Variants in ZNF365 observed in about 807,000 individuals in gnomAD.
ZNF365 encodes zinc finger protein 365, also known as protein ZNF365.
In ZNF365, 22 loss-of-function variants were observed where a neutral mutation model predicts 35.0. The ratio of observed to expected loss-of-function variants is 0.63; its 90% CI spans 0.45 to 0.90. The LOEUF (loss-of-function observed/expected upper bound fraction) is 0.90, where lower values mean the gene tolerates loss of function less well. ZNF365 is among the 40% of genes least tolerant of loss of function. The pLI, the probability that ZNF365 is intolerant of heterozygous loss-of-function variation, is 0.00. For synonymous variants in ZNF365, 188 were observed against 196.2 expected, an observed-to-expected ratio of 0.96 and a Z score of 0.35; for missense variants, 448 against 500.3, an observed-to-expected ratio of 0.90 and a Z score of 1.00.
intron 4 of ZNF365, among the ~76,000 whole-genome samples, chr10:62,463,531 T>C (rs1328808529): frequency 1.3e-5 from 2 of 152,242 alleles, no homozygotes; most frequent in Admixed American, 6.5e-5. Flanking sequence ...CTTTGGTACA[T>C]GACAGGATGC....
At chr10:62,378,027 A>C (rs1217167401) in intron 2 of ZNF365, among the ~76,000 whole-genome samples, 1 of 152,224 alleles carries the variant, frequency 6.6e-6, no homozygotes, top group Admixed American at 6.5e-5. Flanking sequence ...TTCTACCTTG[A>C]GGGGAAGCCT....
chr10:62,405,199 C>T (rs1839887526), downstream of ZNF365, among the ~76,000 whole-genome samples: 1 of 152,170 alleles, frequency 6.6e-6, no homozygotes, highest in Non-Finnish European at 1.5e-5. Context: ...CAGTTCTTTC[C>T]AGCACTGGAA....
intron 3 of ZNF365, among the ~76,000 whole-genome samples, chr10:62,450,691 C>T (rs916603789): frequency 6.6e-6 from 1 of 152,166 alleles, no homozygotes; most frequent in Non-Finnish European, 1.5e-5. Flanking sequence ...AAACAAACAA[C>T]TGAATAACAA....
At chr10:62,472,124 A>T (rs1229303985) in intron 4 of ZNF365, among the ~76,000 whole-genome samples, 1 of 152,176 alleles carries the variant, frequency 6.6e-6, no homozygotes, top group Non-Finnish European at 1.5e-5. Context: ...CCTGTCATAG[A>T]TTACATTTAC....
At chr10:62,448,632 T>C (rs978121276) in intron 3 of ZNF365, among the ~76,000 whole-genome samples, 3 of 152,186 alleles carry the variant, frequency 2.0e-5, no homozygotes, top group Non-Finnish European at 2.9e-5. Flanking sequence ...CTATTGCAGA[T>C]ATGGTGTCTA....
chr10:62,440,522 A>G (rs1022442172), intron 3 of ZNF365, among the ~76,000 whole-genome samples: 1 of 152,192 alleles, frequency 6.6e-6, no homozygotes, highest in Non-Finnish European at 1.5e-5. Flanking sequence ...CCTTGTACAG[A>G]GTTTACAGAC....
chr10:62,435,538 G>A (rs1262631588), intron 3 of ZNF365, among the ~76,000 whole-genome samples: 1 of 152,104 alleles, frequency 6.6e-6, no homozygotes, highest in African/African-American at 2.4e-5. Context: ...GAGATTAAAG[G>A]ATAACACTCG....
At chr10:62,424,597 T>C (rs1840223708) in intron 3 of ZNF365, among the ~76,000 whole-genome samples, 1 of 152,204 alleles carries the variant, frequency 6.6e-6, no homozygotes, top group South Asian at 2.1e-4. Context: ...GCATGCTGTC[T>C]TCACTGATTT....
Position 62,443,316 on chromosome 10 carries a change from G to A in ZNF365, c.925-16425G>A, listed in dbSNP as rs571747960. 5.3e-5 allele frequency among the ~76,000 whole-genome samples: 8 copies of A among 152,296 alleles called. No individual in the cohort carries two copies. The South Asian group carries it at 1.7e-3, about 32-fold the overall frequency. ...TATTCCATTCCTTCAGAAAACTGGA[G>A]ACAAACAGAGACCCTCAATGTCTGT... is the stretch of plus-strand genomic sequence containing the variant. On this transcript the variant is annotated intron_variant, in intron 3 of 4. Coordinates refer to the ZNF365 transcript ENST00000395255.
At chr10:62,383,242 A>G (rs750326093) in intron 2 of ZNF365, among the ~76,000 whole-genome samples, 5 of 152,200 alleles carry the variant, frequency 3.3e-5, no homozygotes, top group Admixed American at 1.3e-4. Context: ...GGAGCACACA[A>G]GGTCCCTGAA....
At chr10:62,470,038 C>G (rs922279572) in intron 4 of ZNF365, among the ~76,000 whole-genome samples, 3 of 152,016 alleles carry the variant, frequency 2.0e-5, no homozygotes, top group African/African-American at 7.3e-5. Context: ...TATGATAGTT[C>G]CAATTTCTAG....
intron 3 of ZNF365, chr10:62,459,697 C>T (rs781036202): frequency 1.9e-6 from 3 of 1,579,326 alleles, no homozygotes; most frequent in East Asian, 4.6e-5. Context: ...TCAGTCTACA[C>T]ACTAGCTCCA....
chr10:62,379,186 C>A (rs1454746462), intron 2 of ZNF365, among the ~76,000 whole-genome samples: 3 of 152,006 alleles, frequency 2.0e-5, no homozygotes, highest in Non-Finnish European at 4.4e-5. Flanking sequence ...CTGCACCCAG[C>A]TATTTTTTTG....
chr10:62,390,711 C>T (rs1287333120), intron 3 of ZNF365, among the ~76,000 whole-genome samples: 1 of 152,120 alleles, frequency 6.6e-6, no homozygotes. Flanking sequence ...TTTACACAAA[C>T]CTACATGGTA....
intron 4 of ZNF365, among the ~76,000 whole-genome samples, chr10:62,466,053 C>T (rs1011269633): frequency 6.6e-6 from 1 of 152,194 alleles, no homozygotes; most frequent in Non-Finnish European, 1.5e-5. Flanking sequence ...AGCTGTAACA[C>T]AAATAGGCTG....
chr10:62,444,632 T>C (rs895218267), intron 3 of ZNF365, among the ~76,000 whole-genome samples: 2 of 152,150 alleles, frequency 1.3e-5, no homozygotes, highest in African/African-American at 4.8e-5. Context: ...CTGGAATGAA[T>C]TCTTTCCTGC....
At position 62,402,122 on chromosome 10, in the gene ZNF365, G is replaced by T; in HGVS notation, c.*2333G>T. The T allele has an allele frequency of 5.1e-6, 5 of 985,906 alleles. No homozygotes were observed. Among genetic ancestry groups the T allele is most frequent in the Non-Finnish European group, 6.0e-6 (5 of 829,930 alleles). The allele number at this position is 985,906 out of a possible 1,614,324, so 61.1% of individuals were successfully genotyped here. A position where few individuals can be genotyped will look rare whatever the true frequency, so the allele number is the denominator to read the frequency against. The stretch of plus-strand genomic sequence containing the variant: ...TTAAATATTTTCTTTGTCCACATGG[G>T]CCGTTGACCTTAGAGTTAAGGCGGT... On this transcript the variant is annotated 3_prime_UTR_variant, in exon 5 of 5. Coordinates refer to ENST00000395254, the MANE Select transcript of ZNF365 (RefSeq NM_014951.3).
rs750832166 is a variant in ZNF365, at chr10:62,399,616, A to G, written c.1051A>G (p.Lys351Glu). ...GGGAAGGAACCACCTGAAAAAGGCC[A>G]AGGATGACAGAGCCAGCATGCAGCC... ...PKGRNHLKKA[K>E]DDRASMQPAK... Residue 351 changes from lysine (K) to glutamate (E), a missense_variant, in exon 5 of 5, where the codon AAG becomes GAG. Lys to Glu is a moderately conservative substitution (Grantham distance 56). Coordinates refer to ENST00000395254, the MANE Select transcript of ZNF365 (RefSeq NM_014951.3). 1.2e-6 allele frequency: 2 copies of G among 1,614,202 alleles called. No individual in the cohort carries two copies. Among genetic ancestry groups the G allele is most frequent in the Non-Finnish European group, 1.7e-6 (2 of 1,180,032 alleles).
At chr10:62,453,248 G>A (rs577622977) in intron 3 of ZNF365, among the ~76,000 whole-genome samples, 1 of 152,240 alleles carries the variant, frequency 6.6e-6, no homozygotes, top group East Asian at 1.9e-4. Context: ...CGCACATTGT[G>A]CCCATTAAGT....
Sources: gnomAD v4.1 joint callset for allele counts (sites outside exome capture counted in the v4.1 genomes callset) on GRCh38, gnomAD v4.1.1 for gene constraint, MANE v1.5 for transcripts, NCBI Gene and HGNC (gene_info 2026-07-23, HGNC 2026-07-21) for gene names.